Variants in FLNB observed in about 807,000 individuals in gnomAD.
FLNB encodes filamin B.
A neutral mutation model predicts 250.6 loss-of-function variants in FLNB; 111 were observed. The observed-to-expected ratio is 0.44, with a 90% CI of 0.38 to 0.52. The LOEUF is 0.52. Among genes scored for constraint, FLNB ranks in the 20% least tolerant of loss-of-function variants. FLNB has a pLI of 0.00. For missense variants in FLNB, 2,869 were observed against 3,447.8 expected (o/e 0.83, Z 4.20); for synonymous variants, 1,302 against 1,372.1 (o/e 0.95, Z 1.13).
intron 29 of FLNB, among the ~76,000 whole-genome samples, chr3:58,140,765 C>T (rs1322969374): frequency 3.9e-5 from 6 of 152,088 alleles, no homozygotes; most frequent in Admixed American, 6.5e-5. Context: ...CCTGCCACCA[C>T]GCCTGGCTAT....
chr3:58,086,249 C>A (rs904287305), intron 4 of FLNB, among the ~76,000 whole-genome samples: 1 of 151,702 alleles, frequency 6.6e-6, no homozygotes, highest in Non-Finnish European at 1.5e-5. Flanking sequence ...AATCCCCCTG[C>A]CTTGGCCCCC....
Position 58,136,356 on chromosome 3 carries a change from T to G in FLNB, c.4861+188T>G, listed in dbSNP as rs2097315953. On this transcript the variant is annotated intron_variant, in intron 28 of 45. Coordinates refer to ENST00000295956, the MANE Select transcript of FLNB (RefSeq NM_001457.4). ...AACATTTAGATCCAAGAAGCTCTTC[T>G]AAGGAACAGAGACTGTTTTACAGGG... is the stretch of plus-strand genomic sequence containing the variant. Among the ~76,000 whole-genome samples the G allele has an allele frequency of 1.3e-5, 2 of 152,230 alleles. 1 individual carries two copies. Among genetic ancestry groups the G allele is most frequent in the South Asian group, 4.1e-4 (2 of 4,834 alleles).
intron 19 of FLNB, 23 bp downstream of exon 19, chr3:58,119,012 G>A (rs781020836): frequency 6.4e-7 from 1 of 1,551,594 alleles, no homozygotes; most frequent in Non-Finnish European, 8.9e-7. Context: ...ATGGAGAGCA[G>A]ATGGGTTGTT....
rs568096675 is a variant in FLNB at position 58,154,947 on chromosome 3, C to T, written c.6772+19C>T. 9 of 1,611,902 alleles carry T rather than the reference C, an allele frequency of 5.6e-6. No homozygotes were observed. The East Asian group carries it at 6.7e-5, about 12-fold the overall frequency. Reference sequence around the variant, plus strand: ...GAGCCTGGTATGTATTCAGGGTTCACAAGAGGACATTTTCCTTGTTTGAAC... The same window carrying T: ...GAGCCTGGTATGTATTCAGGGTTCATAAGAGGACATTTTCCTTGTTTGAAC... On this transcript the variant is annotated intron_variant, in intron 40 of 45. Transcript: ENST00000295956.
chr3:58,074,922 T>C (rs765413867), intron 1 of FLNB, among the ~76,000 whole-genome samples: 1 of 152,210 alleles, frequency 6.6e-6, no homozygotes, highest in Non-Finnish European at 1.5e-5. Context: ...AGTTTTATTA[T>C]GACTGAATCT....
intron 1 of FLNB, among the ~76,000 whole-genome samples, chr3:58,074,685 A>G (rs1379725679): frequency 6.6e-6 from 1 of 152,198 alleles, no homozygotes; most frequent in Admixed American, 6.5e-5. Flanking sequence ...GGAGTAGAAA[A>G]TGGATGTTGG....
At chr3:58,010,906 C>G (rs567261727) in intron 1 of FLNB, among the ~76,000 whole-genome samples, 115 of 152,036 alleles carry the variant, frequency 7.6e-4, no homozygotes, top group Non-Finnish European at 1.4e-3. Context: ...TGATTCCCTG[C>G]TCCCCCTCCC....
chr3:58,123,657 A>G lies in FLNB; in HGVS notation c.3691A>G (p.Ile1231Val), dbSNP rs758986196. Residue 1231 changes from isoleucine (I) to valine (V), a missense_variant, in exon 21 of 46, where the codon ATC becomes GTC. Ile to Val is a conservative substitution (Grantham distance 29, BLOSUM62 3). Around this residue, in one of 5 missense-constraint regions of FLNB, gnomAD observed 1,348 missense variants for 1,466.7 expected, o/e 0.92. Coordinates refer to ENST00000295956, the MANE Select transcript of FLNB (RefSeq NM_001457.4). ...GGAGCCCGCCGTGGACACCAGCAGG[A>G]TCAAAGTCTTTGGACCAGGAATAGA... ...KVEPAVDTSRIKVFGPGIEGK... is the reference protein window; with the variant it reads ...KVEPAVDTSRVKVFGPGIEGK... 5 of 1,607,696 alleles carry G rather than the reference A, an allele frequency of 3.1e-6. No homozygotes were observed.
intron 42 of FLNB, among the ~76,000 whole-genome samples, chr3:58,160,736 G>A (rs1256668216): frequency 6.6e-6 from 1 of 152,110 alleles, no homozygotes; most frequent in Non-Finnish European, 1.5e-5. Context: ...GCTCACACCT[G>A]TAATCTCAGC....
chr3:58,042,424 T>C (rs1468335915), intron 1 of FLNB, among the ~76,000 whole-genome samples: 3 of 150,956 alleles, frequency 2.0e-5, no homozygotes, highest in Admixed American at 2.0e-4. Context: ...CACAGCTCAC[T>C]GCAGCCCCCA....
intron 4 of FLNB, among the ~76,000 whole-genome samples, chr3:58,089,076 C>A (rs1349802585): frequency 1.3e-5 from 2 of 151,656 alleles, no homozygotes; most frequent in Non-Finnish European, 2.9e-5. Context: ...GACCCAGAGT[C>A]TCATTACATG....
chr3:58,044,911 A>G (rs2097151417), intron 1 of FLNB, among the ~76,000 whole-genome samples: 1 of 152,162 alleles, frequency 6.6e-6, no homozygotes, highest in Admixed American at 6.6e-5. Context: ...GAAAAACTGA[A>G]TCAAAGAGTG....
chr3:58,021,717 G>A (rs865912260), intron 1 of FLNB, among the ~76,000 whole-genome samples: 1 of 152,104 alleles, frequency 6.6e-6, no homozygotes, highest in East Asian at 1.9e-4. Flanking sequence ...CATCCATGGG[G>A]AGTCACACCC....
chr3:58,032,431 GGCAGA>G (rs1222985644), intron 1 of FLNB, among the ~76,000 whole-genome samples: 3 of 152,146 alleles, frequency 2.0e-5, no homozygotes, highest in South Asian at 4.1e-4. Context: ...TTGTGAACGT[GGCAGA>G]CTTGGGATTC....
At position 58,170,885 on chromosome 3, in the gene FLNB, TG is replaced by T; in HGVS notation, c.*124del. The T allele has an allele frequency of 1.2e-6, 1 of 851,660 alleles. No homozygotes were observed. The highest frequency in any genetic ancestry group is 2.1e-5 in the Admixed American group (1 of 47,658). The allele number at this position is 851,660 out of a possible 1,614,324, so 52.8% of individuals were successfully genotyped here. On this transcript the variant is annotated 3_prime_UTR_variant, in exon 46 of 46. Transcript: ENST00000295956. ...TGAAACCCCATCCCTAAAATATTGC[TG>T]TTGTAAAATGCCTTCAGAAATAAGT...
intron 22 of FLNB, 73 bp from the exon 23 acceptor site, chr3:58,125,508 G>T: frequency 6.5e-7 from 1 of 1,533,648 alleles, no homozygotes; most frequent in East Asian, 2.3e-5. Context: ...ATGAAACTCT[G>T]AAGTAGAGAA....
intron 32 of FLNB, 144 bp from the exon 33 acceptor site, chr3:58,145,777 A>G: frequency 2.2e-6 from 2 of 921,840 alleles, no homozygotes; most frequent in South Asian, 2.6e-5. Flanking sequence ...TGGGAGGTGC[A>G]TGTGCATCTC....
chr3:58,102,088 C>A, intron 8 of FLNB, 115 bp from the exon 9 acceptor site: 2 of 1,185,358 alleles, frequency 1.7e-6, no homozygotes, highest in Non-Finnish European at 2.5e-6. Flanking sequence ...GCAACTACTG[C>A]ATACTATTTG....
At chr3:58,109,894 G>C (rs2097265597) in intron 15 of FLNB, 116 bp from the exon 16 acceptor site, 1 of 1,450,462 alleles carries the variant, frequency 6.9e-7, no homozygotes, top group South Asian at 1.1e-5. Context: ...CTCTTTCTCA[G>C]GTTTCTTACT....
Sources: allele counts gnomAD v4.1 joint callset (sites outside exome capture counted in the v4.1 genomes callset), GRCh38; gene constraint gnomAD v4.1.1; regional missense constraint gnomAD v4.1.1; transcripts MANE v1.5; gene names NCBI Gene and HGNC (gene_info 2026-07-23, HGNC 2026-07-21).